The following CXCL13 variants were observed in gnomAD, a reference collection of about 807,000 sequenced individuals.
CXCL13 encodes the protein C-X-C motif chemokine 13.
In CXCL13, 7 loss-of-function variants were observed where a neutral mutation model predicts 12.2. The observed-to-expected ratio is 0.57, with a 90% confidence interval of 0.33 to 1.07. The LOEUF (loss-of-function observed/expected upper bound fraction) is 1.07, where lower values mean the gene tolerates loss of function less well. CXCL13 is among the 50% of genes least tolerant of loss of function. The pLI, the probability that CXCL13 is intolerant of heterozygous loss-of-function variation, is 0.04. For missense variants in CXCL13, 113 were observed against 127.4 expected (o/e 0.89, Z 0.55); for synonymous variants, 47 against 42.4 (o/e 1.11, Z -0.42).
intron 1 of CXCL13, among the ~76,000 whole-genome samples, chr4:77,606,715 A>G (rs1727010740): frequency 1.3e-5 from 2 of 152,064 alleles, no homozygotes; most frequent in African/African-American, 2.4e-5. Flanking sequence ...CTCAGCATGC[A>G]TGTTAGATTT....
At chr4:77,584,335 C>G (rs146617107) in intron 1 of CXCL13, among the ~76,000 whole-genome samples, 64 of 152,310 alleles carry the variant, frequency 4.2e-4, no homozygotes, top group South Asian at 1.7e-3. Context: ...TGCCCTAAGT[C>G]CATCAGCATG....
chr4:77,565,610 T>C (rs1313443712), intron 1 of CXCL13, among the ~76,000 whole-genome samples: 1 of 152,202 alleles, frequency 6.6e-6, no homozygotes, highest in Non-Finnish European at 1.5e-5. Flanking sequence ...CAGAATTAAT[T>C]GTTCTTTCCT....
upstream of CXCL13, among the ~76,000 whole-genome samples, chr4:77,602,531 G>A (rs900104154): frequency 4.6e-5 from 7 of 152,088 alleles, no homozygotes; most frequent in Middle Eastern, 3.4e-3. Context: ...ACTAGCTCTC[G>A]GGTGAAGTTA....
intron 1 of CXCL13, among the ~76,000 whole-genome samples, chr4:77,557,954 T>G (rs1705983933): frequency 6.6e-6 from 1 of 152,212 alleles, no homozygotes; most frequent in Non-Finnish European, 1.5e-5. Context: ...TATTGACCTT[T>G]CCATGCCTCT....
intron 1 of CXCL13, among the ~76,000 whole-genome samples, chr4:77,527,391 G>A (rs986774492): frequency 6.6e-6 from 1 of 152,168 alleles, no homozygotes; most frequent in Non-Finnish European, 1.5e-5. Context: ...CAGCATTTTG[G>A]GAGGCTGAGG....
intron 1 of CXCL13, among the ~76,000 whole-genome samples, chr4:77,568,394 C>G (rs1725986400): frequency 6.6e-6 from 1 of 152,184 alleles, no homozygotes; most frequent in Non-Finnish European, 1.5e-5. Flanking sequence ...CCTTTGTCAC[C>G]TCTTCTCTCC....
At chr4:77,537,998 C>G (rs1158798531) in intron 1 of CXCL13, among the ~76,000 whole-genome samples, 1 of 152,180 alleles carries the variant, frequency 6.6e-6, no homozygotes, top group Non-Finnish European at 1.5e-5. Flanking sequence ...AGAGCCATCT[C>G]TGCCCCCAGA....
At chr4:77,556,456 AT>A (rs1440800888) in intron 1 of CXCL13, among the ~76,000 whole-genome samples, 1 of 152,190 alleles carries the variant, frequency 6.6e-6, no homozygotes, top group Non-Finnish European at 1.5e-5. Context: ...TGGGGGTGGT[AT>A]TGACAATAAA....
intron 1 of CXCL13, among the ~76,000 whole-genome samples, chr4:77,584,366 T>C (rs958590688): frequency 6.6e-6 from 1 of 152,196 alleles, no homozygotes; most frequent in Non-Finnish European, 1.5e-5. Flanking sequence ...ATTAGACAGT[T>C]GATGGGACTC....
intron 1 of CXCL13, among the ~76,000 whole-genome samples, chr4:77,541,157 C>T (rs1725198607): frequency 6.6e-6 from 1 of 151,912 alleles, no homozygotes; most frequent in Non-Finnish European, 1.5e-5. Flanking sequence ...TATATTAGAC[C>T]TTTGTTGGAT....
At chr4:77,571,626 A>G (rs977037543) in intron 1 of CXCL13, among the ~76,000 whole-genome samples, 7 of 151,772 alleles carry the variant, frequency 4.6e-5, no homozygotes, top group African/African-American at 1.7e-4. Context: ...GGGATTGTAA[A>G]TGCACCAATC....
chr4:77,585,424 C>T (rs1056381481), intron 1 of CXCL13, among the ~76,000 whole-genome samples: 2 of 152,164 alleles, frequency 1.3e-5, no homozygotes, highest in African/African-American at 2.4e-5. Context: ...CATTTACTGT[C>T]CAGAAAGCTG....
chr4:77,557,034 A>G (rs980733503), intron 1 of CXCL13, among the ~76,000 whole-genome samples: 2 of 151,596 alleles, frequency 1.3e-5, no homozygotes, highest in Non-Finnish European at 2.9e-5. Flanking sequence ...TAAAAAATAA[A>G]AGAGAGAGAG....
chr4:77,534,455 AG>A (rs1725010688), intron 1 of CXCL13, among the ~76,000 whole-genome samples: 1 of 152,238 alleles, frequency 6.6e-6, no homozygotes, highest in South Asian at 2.1e-4. Context: ...ATAAATCTCC[AG>A]AGAATTATGC....
At chr4:77,548,480 T>C (rs1305460376) in intron 1 of CXCL13, among the ~76,000 whole-genome samples, 1 of 152,252 alleles carries the variant, frequency 6.6e-6, no homozygotes, top group Non-Finnish European at 1.5e-5. Flanking sequence ...AGTGAATTTC[T>C]ACTTTATGCA....
chr4:77,593,725 G>C (rs913309562), intron 1 of CXCL13, among the ~76,000 whole-genome samples: 8 of 152,188 alleles, frequency 5.3e-5, no homozygotes, highest in African/African-American at 1.9e-4. Context: ...TAGGTCTCTT[G>C]ATTCTGGTGA....
At chr4:77,530,240 T>A (rs947187093) in intron 1 of CXCL13, among the ~76,000 whole-genome samples, 4 of 152,192 alleles carry the variant, frequency 2.6e-5, no homozygotes, top group African/African-American at 9.7e-5. Context: ...AAATTCTCTT[T>A]TTTTGTTGTG....
chr4:77,564,150 A>G (rs1370912979), intron 1 of CXCL13, among the ~76,000 whole-genome samples: 1 of 152,238 alleles, frequency 6.6e-6, no homozygotes. Flanking sequence ...ACGAATTTTC[A>G]TGATACAAGC....
chr4:77,589,040 C>T (rs536294196), intron 1 of CXCL13, among the ~76,000 whole-genome samples: 1 of 152,294 alleles, frequency 6.6e-6, no homozygotes, highest in South Asian at 2.1e-4. Context: ...AGAACATATA[C>T]CTTTTGCAAT....
Sources: allele counts gnomAD v4.1 joint callset (sites outside exome capture counted in the v4.1 genomes callset), GRCh38; gene constraint gnomAD v4.1.1; transcripts MANE v1.5; gene names NCBI Gene and HGNC (gene_info 2026-07-23, HGNC 2026-07-21).